The following PRICKLE2 variants were observed in gnomAD, a reference collection of about 807,000 sequenced individuals.
The protein encoded by PRICKLE2 is prickle planar cell polarity protein 2, also known as prickle-like protein 2.
A neutral mutation model predicts 81.4 loss-of-function variants in PRICKLE2; 21 were observed. That is an observed-to-expected ratio of 0.26 (90% confidence interval 0.18 to 0.37). The LOEUF (loss-of-function observed/expected upper bound fraction) is 0.37, where lower values mean the gene tolerates loss of function less well. Among genes scored for constraint, PRICKLE2 ranks in the 10% least tolerant of loss-of-function variants. The pLI is 1.00. For synonymous variants in PRICKLE2, 456 were observed against 421.5 expected (o/e 1.08, Z -1.00); for missense variants, 940 against 1,109.0 (o/e 0.85, Z 2.16).
chr3:64,194,653 C>CT (rs770586552), intron 2 of PRICKLE2, among the ~76,000 whole-genome samples: 1 of 152,204 alleles, frequency 6.6e-6, no homozygotes, highest in Non-Finnish European at 1.5e-5. Flanking sequence ...TAATTATTTT[C>CT]TAAGTTCCTA....
chr3:64,246,691 T>C (rs1427512179), intron 2 of PRICKLE2, among the ~76,000 whole-genome samples: 1 of 152,218 alleles, frequency 6.6e-6, no homozygotes, highest in Non-Finnish European at 1.5e-5. Flanking sequence ...GTAAAACTGA[T>C]GTTGCTGATA....
intron 2 of PRICKLE2, among the ~76,000 whole-genome samples, chr3:64,252,904 G>A (rs977403521): frequency 1.3e-5 from 2 of 152,152 alleles, no homozygotes; most frequent in East Asian, 3.9e-4. Context: ...AAAAGTAAAT[G>A]GGCATGGATA....
chr3:64,140,537 G>A (rs1375304787), intron 7 of PRICKLE2, among the ~76,000 whole-genome samples: 1 of 152,156 alleles, frequency 6.6e-6, no homozygotes, highest in Non-Finnish European at 1.5e-5. Flanking sequence ...CCAGGGACCA[G>A]CTCACAGTCT....
intron 7 of PRICKLE2, among the ~76,000 whole-genome samples, chr3:64,108,054 GT>G: frequency 6.6e-6 from 1 of 152,282 alleles, no homozygotes; most frequent in South Asian, 2.1e-4. Flanking sequence ...CTTACTGCCT[GT>G]TTTTGTAAAT....
At chr3:64,202,992 T>C (rs1006103827) in intron 1 of PRICKLE2, among the ~76,000 whole-genome samples, 1 of 152,238 alleles carries the variant, frequency 6.6e-6, no homozygotes, top group Non-Finnish European at 1.5e-5. Flanking sequence ...GTTTGTCAAA[T>C]GCATTTTCTG....
chr3:64,264,654 A>G (rs146250897), intron 2 of PRICKLE2, among the ~76,000 whole-genome samples: 4 of 152,370 alleles, frequency 2.6e-5, no homozygotes, highest in African/African-American at 7.2e-5. Flanking sequence ...CAGAGCCTCA[A>G]TCATCAGAAA....
intron 1 of PRICKLE2, among the ~76,000 whole-genome samples, chr3:64,204,188 T>G (rs1242549666): frequency 2.6e-5 from 4 of 151,866 alleles, no homozygotes; most frequent in Non-Finnish European, 5.9e-5. Context: ...AATCACAAAG[T>G]ATGTTAAAGG....
intron 7 of PRICKLE2, among the ~76,000 whole-genome samples, chr3:64,121,644 C>T (rs1322416713): frequency 1.3e-5 from 2 of 151,784 alleles, no homozygotes; most frequent in African/African-American, 2.4e-5. Flanking sequence ...TAAAATATTC[C>T]TTATCTTGAT....
chr3:64,258,693 G>A lies in PRICKLE2; in HGVS notation c.129-59726C>T, dbSNP rs542212475. 1.3e-3 allele frequency among the ~76,000 whole-genome samples: 198 copies of A among 151,202 alleles called. 1 individual carries two copies. Among genetic ancestry groups the A allele is most frequent in the African/African-American group, 4.6e-3 (191 of 41,254 alleles). On this transcript the variant is annotated intron_variant, in intron 2 of 8. Coordinates refer to the PRICKLE2 transcript ENST00000295902. ...AAAAAAAATAGCCAGGTGTGGTGGC[G>A]GGTGCCTGCAGTCCCAGCCACTGGG...
At chr3:64,263,328 T>C (rs1257003127) in intron 2 of PRICKLE2, among the ~76,000 whole-genome samples, 1 of 152,194 alleles carries the variant, frequency 6.6e-6, no homozygotes, top group South Asian at 2.1e-4. Flanking sequence ...ATAATGAAGC[T>C]GAAGCTCATG....
At chr3:64,127,490 T>A (rs930317616) in intron 7 of PRICKLE2, among the ~76,000 whole-genome samples, 3 of 152,180 alleles carry the variant, frequency 2.0e-5, no homozygotes, top group Non-Finnish European at 4.4e-5. Flanking sequence ...CTGACTCTCA[T>A]GAACCCCCTA....
intron 2 of PRICKLE2, among the ~76,000 whole-genome samples, chr3:64,247,151 C>T (rs2079370393): frequency 6.6e-6 from 1 of 152,154 alleles, no homozygotes; most frequent in Admixed American, 6.5e-5. Context: ...CTTGCCTGGT[C>T]ACCTTCTAGT....
intron 3 of PRICKLE2, 36 bp downstream of exon 3, chr3:64,162,980 A>G (rs1045501969): frequency 1.5e-6 from 2 of 1,292,704 alleles, no homozygotes; most frequent in African/African-American, 2.9e-5. Context: ...AGAAGGCACT[A>G]AGAAAATTCT....
intron 2 of PRICKLE2, among the ~76,000 whole-genome samples, chr3:64,262,291 G>A (rs534178094): frequency 6.6e-6 from 1 of 152,272 alleles, no homozygotes; most frequent in East Asian, 1.9e-4. Context: ...GTAAGAGAAA[G>A]AGAACAATCA....
At chr3:64,194,181 T>C (rs1376417327) in intron 2 of PRICKLE2, 6 of 152,336 alleles carry the variant, frequency 3.9e-5, no homozygotes, top group African/African-American at 1.4e-4. Context: ...AATTCTCATT[T>C]TGATTTAGTG....
At chr3:64,268,159 G>C (rs1209899703) in intron 2 of PRICKLE2, 1 of 152,376 alleles carries the variant, frequency 6.6e-6, no homozygotes, top group South Asian at 2.1e-4. Flanking sequence ...GTCCTGGGGA[G>C]AGGAGCTCCA....
chr3:64,180,541 A>ATTTT (rs4018890), intron 2 of PRICKLE2, among the ~76,000 whole-genome samples: 172 of 149,820 alleles, frequency 1.1e-3, no homozygotes, highest in African/African-American at 2.6e-3. Context: ...TTTGAGAATG[A>ATTTT]TTTTTTTTTT....
chr3:64,149,419 C>T (rs1036896250), intron 6 of PRICKLE2, among the ~76,000 whole-genome samples: 20 of 152,226 alleles, frequency 1.3e-4, no homozygotes, highest in African/African-American at 4.8e-4. Context: ...ACACAGCAGG[C>T]TCTTTTTATA....
At chr3:64,251,041 A>AC (rs1192562785) in intron 2 of PRICKLE2, among the ~76,000 whole-genome samples, 5 of 152,178 alleles carry the variant, frequency 3.3e-5, no homozygotes, top group African/African-American at 1.2e-4. Context: ...ATATCAGATC[A>AC]CGAGGGCAGG....
Sources: gnomAD v4.1 joint callset for allele counts (sites outside exome capture counted in the v4.1 genomes callset) on GRCh38, gnomAD v4.1.1 for gene constraint, MANE v1.5 for transcripts, NCBI Gene and HGNC (gene_info 2026-07-23, HGNC 2026-07-21) for gene names.